The following CGGBP1 variants were observed in gnomAD, a reference collection of about 807,000 sequenced individuals.
CGGBP1 encodes CGG triplet repeat binding protein 1.
Under a neutral mutation model 11.4 loss-of-function variants are expected in CGGBP1, and 4 were observed. That is an observed-to-expected ratio of 0.35 (90% CI 0.17 to 0.80). The LOEUF is 0.80. Ranked by LOEUF, CGGBP1 falls within the 30% of genes least tolerant of loss-of-function variation. CGGBP1 has a pLI of 0.52. For synonymous variants in CGGBP1, 76 were observed against 74.1 expected, an observed-to-expected ratio of 1.03 and a Z score of -0.13; for missense variants, 135 against 202.1, an observed-to-expected ratio of 0.67 and a Z score of 2.01.
intron 2 of CGGBP1, among the ~76,000 whole-genome samples, chr3:88,121,345 T>A (rs1705758803): frequency 6.6e-6 from 1 of 152,142 alleles, no homozygotes; most frequent in African/African-American, 2.4e-5. Context: ...TTTAATGGCA[T>A]AATAGAAGCA....
rs1576183693 is a variant in CGGBP1, at chr3:88,065,447, A to G, written c.-228-7224T>C. On this transcript the variant is annotated intron_variant, in intron 2 of 3. Transcript: ENST00000462901. ...ATGTAATCCTATGTCCCTTTTCCCT[A>G]AACAATCATGTATTTAAAGAATATT... is the stretch of plus-strand genomic sequence containing the variant. Among the ~76,000 whole-genome samples the G allele has an allele frequency of 4.6e-5, 7 of 152,260 alleles. 2 individuals carry two copies. The highest frequency in any genetic ancestry group is 4.6e-4 in the Admixed American group (7 of 15,288).
At chr3:88,141,096 G>T (rs1358322707) in intron 1 of CGGBP1, 1 of 1,524,746 alleles carries the variant, frequency 6.6e-7, no homozygotes, top group Non-Finnish European at 8.8e-7. Flanking sequence ...AAGAGAAAAT[G>T]GCATAAATAA....
intron 2 of CGGBP1, chr3:88,129,751 A>G: frequency 6.5e-7 from 1 of 1,529,268 alleles, no homozygotes. Context: ...AAAGAAGGCA[A>G]AACTATGTTA....
At chr3:88,126,820 GAA>G (rs1706134678) in intron 2 of CGGBP1, among the ~76,000 whole-genome samples, 1 of 152,012 alleles carries the variant, frequency 6.6e-6, no homozygotes, top group Non-Finnish European at 1.5e-5. Context: ...GTGACTAACT[GAA>G]TGAATAAATT....
intron 2 of CGGBP1, among the ~76,000 whole-genome samples, chr3:88,074,381 G>A (rs1389431658): frequency 7.9e-6 from 1 of 126,560 alleles, no homozygotes; most frequent in African/African-American, 2.9e-5. Context: ...TTGCTTTATC[G>A]CCCAGGCTGG....
chr3:88,100,298 A>G (rs920430727), intron 2 of CGGBP1, among the ~76,000 whole-genome samples: 8 of 152,166 alleles, frequency 5.3e-5, no homozygotes, highest in South Asian at 2.1e-4. Context: ...AGTTAGAATG[A>G]CAATCATTAA....
At chr3:88,139,809 G>T (rs1282005419) in intron 2 of CGGBP1, 1 of 1,559,608 alleles carries the variant, frequency 6.4e-7, no homozygotes, top group African/African-American at 1.4e-5. Flanking sequence ...TGAAGAAGAT[G>T]ATTATGACCT....
intron 2 of CGGBP1, among the ~76,000 whole-genome samples, chr3:88,110,442 C>G (rs1705019535): frequency 6.6e-6 from 1 of 152,092 alleles, no homozygotes; most frequent in South Asian, 2.1e-4. Flanking sequence ...TATATTGGCA[C>G]TGATCATTGA....
chr3:88,116,559 T>TACACACACACACACACACACACAC (rs140401038), intron 2 of CGGBP1, among the ~76,000 whole-genome samples: 9 of 146,558 alleles, frequency 6.1e-5, no homozygotes, highest in African/African-American at 2.0e-4. Context: ...CATACATATA[T>TACACACACACACACACACACACAC]ATACACACAC....
intron 2 of CGGBP1, among the ~76,000 whole-genome samples, chr3:88,075,173 C>T (rs545801804): frequency 5.9e-5 from 9 of 152,194 alleles, no homozygotes; most frequent in South Asian, 2.1e-4. Context: ...TCCTGGCACT[C>T]CTTGTGCTGA....
intron 2 of CGGBP1, among the ~76,000 whole-genome samples, chr3:88,115,651 T>C (rs1705345004): frequency 6.6e-6 from 1 of 152,208 alleles, no homozygotes; most frequent in Admixed American, 6.5e-5. Flanking sequence ...TTTTTAACTC[T>C]TCTTACCTAT....
At chr3:88,148,011 T>C (rs1363936638) in intron 1 of CGGBP1, among the ~76,000 whole-genome samples, 2 of 152,206 alleles carry the variant, frequency 1.3e-5, no homozygotes, top group Non-Finnish European at 2.9e-5. Context: ...GCTCATTGCC[T>C]CCTCCTTGCT....
intron 2 of CGGBP1, among the ~76,000 whole-genome samples, chr3:88,118,929 T>G (rs530491731): frequency 6.7e-6 from 1 of 149,826 alleles, no homozygotes; most frequent in African/African-American, 2.5e-5. Context: ...ACTTTTACAC[T>G]GTTGGTGGGA....
chr3:88,132,536 A>G (rs1407174834), intron 2 of CGGBP1, among the ~76,000 whole-genome samples: 1 of 152,206 alleles, frequency 6.6e-6, no homozygotes, highest in Admixed American at 6.5e-5. Flanking sequence ...CTGTACAACT[A>G]AAACCTCAGA....
chr3:88,107,689 T>A (rs1704828606), intron 2 of CGGBP1, among the ~76,000 whole-genome samples: 1 of 152,188 alleles, frequency 6.6e-6, no homozygotes, highest in African/African-American at 2.4e-5. Context: ...CTGTAGGTAC[T>A]CTGGATAATT....
upstream of CGGBP1, chr3:88,059,176 G>GA (rs1456272717): frequency 1.4e-6 from 2 of 1,418,218 alleles, no homozygotes; most frequent in Non-Finnish European, 1.8e-6. Context: ...GGCGGAGCCG[G>GA]AAGTAGAGCC....
intron 2 of CGGBP1, among the ~76,000 whole-genome samples, chr3:88,104,762 A>G (rs1450389530): frequency 6.6e-6 from 1 of 152,244 alleles, no homozygotes; most frequent in Non-Finnish European, 1.5e-5. Flanking sequence ...AGAAGGAGGA[A>G]GAAGAGGTCA....
intron 2 of CGGBP1, chr3:88,129,176 G>T (rs1029286188): frequency 1.9e-4 from 104 of 547,214 alleles, no homozygotes; most frequent in Non-Finnish European, 3.3e-4. Context: ...ATAACTTAAG[G>T]TCATGTTGAA....
At chr3:88,100,484 G>A (rs183394710) in intron 2 of CGGBP1, among the ~76,000 whole-genome samples, 3 of 152,114 alleles carry the variant, frequency 2.0e-5, no homozygotes, top group South Asian at 4.1e-4. Context: ...TATATACCCA[G>A]AGGATTATAA....
Sources: gnomAD v4.1 joint callset for allele counts (sites outside exome capture counted in the v4.1 genomes callset) on GRCh38, gnomAD v4.1.1 for gene constraint, MANE v1.5 for transcripts, NCBI Gene and HGNC (gene_info 2026-07-23, HGNC 2026-07-21) for gene names.